The following HK1 variants were observed in gnomAD, a reference collection of about 807,000 sequenced individuals.
HK1 encodes hexokinase-1.
Under a neutral mutation model 91.6 loss-of-function variants are expected in HK1, and 28 were observed. The observed-to-expected ratio is 0.31, with a 90% CI of 0.23 to 0.42. The LOEUF (loss-of-function observed/expected upper bound fraction) is 0.42. HK1 is among the 10% of genes least tolerant of loss of function. HK1 has a pLI of 1.00. For synonymous variants in HK1, 430 were observed against 468.1 expected (o/e 0.92, Z 1.05); for missense variants, 770 against 1,219.8 (o/e 0.63, Z 5.49).
At chr10:69,278,301 AT>A (rs1311804023) in intron 1 of HK1, among the ~76,000 whole-genome samples, 1 of 152,156 alleles carries the variant, frequency 6.6e-6, no homozygotes, top group African/African-American at 2.4e-5. Context: ...CCTTGAGAAT[AT>A]GTATATTTAA....
rs141799418 is a variant in HK1, at chr10:69,322,767, G to A, written c.63+3757G>A. On this transcript the variant is annotated intron_variant, in intron 1 of 17. Transcript: ENST00000359426. ...TAGCTGGGTGTGGTGGCGCATGCCT[G>A]TAATCCCAGCTACTTGGGAGGCTGA... Among the ~76,000 whole-genome samples, 1,005 of 151,990 alleles carry A rather than the reference G, an allele frequency of 6.6e-3. 12 individuals carry two copies. Among genetic ancestry groups the A allele is most frequent in the African/African-American group, 0.023 (950 of 41,406 alleles).
At chr10:69,272,726 A>T in intron 1 of HK1, among the ~76,000 whole-genome samples, 1 of 150,680 alleles carries the variant, frequency 6.6e-6, no homozygotes, top group Non-Finnish European at 1.5e-5. Flanking sequence ...CAGTCATTTA[A>T]CTATAATGTG....
upstream of HK1, among the ~76,000 whole-genome samples, chr10:69,314,309 C>T (rs538730538): frequency 7.2e-5 from 11 of 152,316 alleles, no homozygotes; most frequent in South Asian, 8.3e-4. Context: ...GAAACTTGGA[C>T]GGCATTCACA....
chr10:69,289,461 A>T (rs12220458), intron 3 of HK1, among the ~76,000 whole-genome samples: 24,294 of 109,614 alleles, frequency 0.22, 4,085 homozygotes, highest in Non-Finnish European at 0.29. Flanking sequence ...AAAAAAAAAA[A>T]TTTTTTTTTT....
chr10:69,308,259 G>C (rs1420454345), intron 5 of HK1, among the ~76,000 whole-genome samples: 2 of 152,094 alleles, frequency 1.3e-5, no homozygotes, highest in Admixed American at 6.6e-5. Flanking sequence ...GGGTGAAACT[G>C]TTCCACCTCA....
rs1225055070 is a variant in HK1 at position 69,318,881 on chromosome 10, C to A, written c.-67C>A. 1.3e-6 allele frequency: 2 copies of A among 1,521,946 alleles called. No homozygotes were observed. Among genetic ancestry groups the A allele is most frequent in the African/African-American group, 1.4e-5 (1 of 69,414 alleles). 94.3% of individuals were successfully genotyped at this position (1,521,946 alleles called of 1,614,324 possible). A position where few individuals can be genotyped will look rare whatever the true frequency, so the allele number is the denominator to read the frequency against. On this transcript the variant is annotated 5_prime_UTR_variant, in exon 1 of 18. Coordinates refer to ENST00000359426, the MANE Select transcript of HK1 (RefSeq NM_000188.3). ...CCGCCGAGCAGCCGCCGGAGGACCA[C>A]GGCTCGCCAGGGCTGCGGAGGACCG...
In HK1 at chr10:69,392,233, A is replaced by G; in HGVS notation, c.2144A>G (p.Asn715Ser). Reference sequence around the variant, plus strand: ...ATGGAGTGGGGGGCCTTTGGGGACAACGGGTGTCTGGATGATATCAGGACA... The same window carrying G: ...ATGGAGTGGGGGGCCTTTGGGGACAGCGGGTGTCTGGATGATATCAGGACA... ...INMEWGAFGD[N>S]GCLDDIRTHY... Residue 715 changes from asparagine (N) to serine (S), a missense_variant, in exon 15 of 18, where the codon AAC becomes AGC. Around this residue, in one of 7 missense-constraint regions of HK1, gnomAD observed 152 missense variants for 211.1 expected, o/e 0.72. Coordinates refer to ENST00000359426, the MANE Select transcript of HK1 (RefSeq NM_000188.3). The G allele has an allele frequency of 6.2e-7, 1 of 1,614,208 alleles. No homozygotes were observed. The highest frequency in any genetic ancestry group is 8.5e-7 in the Non-Finnish European group (1 of 1,180,034).
intron 2 of HK1, among the ~76,000 whole-genome samples, chr10:69,348,538 C>T (rs143409736): frequency 1.9e-3 from 293 of 152,260 alleles, no homozygotes; most frequent in African/African-American, 6.3e-3. Context: ...AGGCTGGGCA[C>T]GGTGGCTCAT....
At chr10:69,294,096 T>C (rs11818927) in intron 3 of HK1, among the ~76,000 whole-genome samples, 4,407 of 151,926 alleles carry the variant, frequency 0.029, 171 homozygotes, top group African/African-American at 0.078. Context: ...CTCCTGACCT[T>C]GTGATCCACC....
intron 2 of HK1, among the ~76,000 whole-genome samples, chr10:69,285,717 C>T (rs1844999769): frequency 6.6e-6 from 1 of 152,134 alleles, no homozygotes; most frequent in Non-Finnish European, 1.5e-5. Flanking sequence ...GAGAGAGGGC[C>T]AGTTACTTCG....
At chr10:69,359,532 C>T (rs558377056) in intron 2 of HK1, among the ~76,000 whole-genome samples, 90 of 152,190 alleles carry the variant, frequency 5.9e-4, no homozygotes, top group Admixed American at 9.2e-4. Flanking sequence ...AGTTGAAATG[C>T]GGTGTGATTT....
At chr10:69,374,922 G>A (rs766486397) in intron 7 of HK1, among the ~76,000 whole-genome samples, 1 of 152,188 alleles carries the variant, frequency 6.6e-6, no homozygotes, top group Non-Finnish European at 1.5e-5. Flanking sequence ...AGCTGGGGTA[G>A]GGTGGTCCTA....
upstream of HK1, among the ~76,000 whole-genome samples, chr10:69,314,282 G>A (rs1213228353): frequency 6.6e-6 from 1 of 152,172 alleles, no homozygotes; most frequent in Non-Finnish European, 1.5e-5. Flanking sequence ...GTTTCACCTG[G>A]GGAACTGTTA....
In HK1 at chr10:69,401,095, C is replaced by T. The variant is rs748913554; in HGVS notation, c.2714C>T (p.Thr905Met). The T allele has an allele frequency of 4.3e-6, 7 of 1,614,000 alleles. No individual in the cohort carries two copies. The highest frequency in any genetic ancestry group is 2.2e-5 in the South Asian group (2 of 91,090). The change falls in exon 18 of 18, where the codon ACG becomes ATG. Residue 905 changes from threonine to methionine, a missense_variant. This residue lies in a region of HK1 where 15 missense variants were observed against 21.7 expected (regional missense o/e 0.69). Transcript: ENST00000359426. Reference protein sequence around the residue: ...DGSGKGAALITAVGVRLRTEA... With the variant: ...DGSGKGAALIMAVGVRLRTEA... The stretch of plus-strand genomic sequence containing the variant: ...AGCGGCAAGGGGGCCGCCCTCATCA[C>T]GGCCGTGGGCGTGCGGTTACGCACA...
intron 15 of HK1, 138 bp from the exon 16 acceptor site, chr10:69,394,812 A>C (rs1840062785): frequency 1.2e-6 from 1 of 836,950 alleles, no homozygotes; most frequent in Non-Finnish European, 2.0e-6. Context: ...CCTCTGCGGC[A>C]GAGCACAGGG....
chr10:69,375,752 T>C (rs1375157125), intron 7 of HK1, among the ~76,000 whole-genome samples: 5 of 152,182 alleles, frequency 3.3e-5, no homozygotes, highest in Non-Finnish European at 7.4e-5. Context: ...TGCTCAGGGG[T>C]TCCTCCTGGC....
intron 2 of HK1, among the ~76,000 whole-genome samples, chr10:69,349,526 T>C (rs1159944854): frequency 6.6e-6 from 1 of 152,204 alleles, no homozygotes; most frequent in Non-Finnish European, 1.5e-5. Context: ...GCCGAGCCCC[T>C]GCAGGAAGGA....
At chr10:69,290,650 C>T (rs1845258288) in intron 3 of HK1, among the ~76,000 whole-genome samples, 1 of 152,316 alleles carries the variant, frequency 6.6e-6, no homozygotes, top group Non-Finnish European at 1.5e-5. Flanking sequence ...AGGCTCCCGC[C>T]ACCACGCCTG....
chr10:69,352,946 A>G (rs922653847), intron 2 of HK1, among the ~76,000 whole-genome samples: 12 of 152,226 alleles, frequency 7.9e-5, no homozygotes, highest in African/African-American at 2.4e-4. Flanking sequence ...TAAGAAATAT[A>G]CATGTTGGTC....
Sources: allele counts gnomAD v4.1 joint callset (sites outside exome capture counted in the v4.1 genomes callset), GRCh38; gene constraint gnomAD v4.1.1; regional missense constraint gnomAD v4.1.1; transcripts MANE v1.5; gene names NCBI Gene and HGNC (gene_info 2026-07-23, HGNC 2026-07-21).